The following GIP variants were observed in gnomAD, a reference collection of about 807,000 sequenced individuals.
GIP encodes the protein glucose-dependent insulinotropic polypeptide.
Under a neutral mutation model 18.1 loss-of-function variants are expected in GIP, and 16 were observed. That is an observed-to-expected ratio of 0.88 (90% confidence interval 0.60 to 1.34). The LOEUF (loss-of-function observed/expected upper bound fraction) is 1.34, where lower values mean the gene tolerates loss of function less well. Ranked by LOEUF, GIP falls within the 40% of genes most tolerant of loss-of-function variation. The pLI, the probability that GIP is intolerant of heterozygous loss-of-function variation, is 0.00. For missense variants in GIP, 192 were observed against 183.4 expected, an observed-to-expected ratio of 1.05 and a Z score of -0.27; for synonymous variants, 76 against 74.0, an observed-to-expected ratio of 1.03 and a Z score of -0.14.
At chr17:48,958,738 G>A in intron 5 of GIP, 22 bp from the exon 6 acceptor site, 2 of 1,572,812 alleles carry the variant, frequency 1.3e-6, no homozygotes, top group Non-Finnish European at 1.7e-6. Context: ...GGGGAAAGGA[G>A]AAGAAGGTTG....
chr17:48,963,531 G>A (rs576727982), intron 3 of GIP, among the ~76,000 whole-genome samples: 232 of 150,296 alleles, frequency 1.5e-3, no homozygotes, highest in Middle Eastern at 0.011. Flanking sequence ...ATGGTGGCGC[G>A]TACCTGTAGT....
At chr17:48,958,855 A>AAT in intron 5 of GIP, 139 bp from the exon 6 acceptor site, 1 of 536,954 alleles carries the variant, frequency 1.9e-6, no homozygotes, top group Non-Finnish European at 3.2e-6. Context: ...TTATCAATTT[A>AAT]CTTTTTTTTT....
rs533829794 is a variant in GIP, at chr17:48,967,073, C to G, written c.86+74G>C. On this transcript the variant is annotated intron_variant, in intron 2 of 5. Transcript: ENST00000357424. ...GGATTCCTTCCCTTTCTCATCTCCC[C>G]CTAGAAACAAATCCAGAACCTGTCA... 7 of 1,137,106 alleles carry G rather than the reference C, an allele frequency of 6.2e-6. No homozygotes were observed. In the East Asian group the frequency reaches 1.2e-4, roughly 19 times the overall value. The allele number at this position is 1,137,106 out of a possible 1,614,324, so 70.4% of individuals were successfully genotyped here. A position where few individuals can be genotyped will look rare whatever the true frequency, so the allele number is the denominator to read the frequency against.
Position 48,961,819 on chromosome 17 carries a change from G to A in GIP, c.258C>T (p.Asp86=), listed in dbSNP as rs1567796546. ...CCCTCTGGGTGATGTTGTGTTTCCA[G>A]CTGGGAAGATAAAGATTAGAGAGTG... ...WLLAQKGKKN[D]WKHNITQREA... is the part of the protein sequence containing the mutation. The change falls in exon 4 of 6, where the codon GAC becomes GAT. Residue 86 remains aspartate, a splice_region_variant and synonymous_variant. Coordinates refer to ENST00000357424, the MANE Select transcript of GIP (RefSeq NM_004123.3). 7 of 1,609,806 alleles carry A rather than the reference G, an allele frequency of 4.3e-6. No individual in the cohort carries two copies. The highest frequency in any genetic ancestry group is 5.9e-6 in the Non-Finnish European group (7 of 1,177,580).
chr17:48,961,764 C>G lies in GIP; in HGVS notation c.313G>C (p.Ala105Pro). 1 of 1,612,832 alleles carries G rather than the reference C, an allele frequency of 6.2e-7. No individual in the cohort carries two copies. The highest frequency in any genetic ancestry group is 1.3e-5 in the African/African-American group (1 of 75,028). ...EARALELASQ[A>P]NRKEEEAVEP... is the part of the protein sequence containing the mutation. ...ACTGCCTCCTCCTCCTTCCTATTAG[C>G]TTGACTGGCCAGCTCCAGCGCCCGA... The change falls in exon 4 of 6, where the codon GCT becomes CCT. Residue 105 changes from alanine (A) to proline (P), a missense_variant. Physicochemically the swap from Ala to Pro is conservative, Grantham distance 27. Coordinates refer to ENST00000357424, the MANE Select transcript of GIP (RefSeq NM_004123.3).
In GIP at chr17:48,967,258, G is replaced by A. The variant is rs1413485004; in HGVS notation, c.-21-5C>T. On this transcript the variant is annotated splice_region_variant and splice_polypyrimidine_tract_variant and intron_variant, in intron 1 of 5. Coordinates refer to ENST00000357424, the MANE Select transcript of GIP (RefSeq NM_004123.3). ...CTTCCAAGGTTATTTCCTGAGCTAA[G>A]ACAGAAAAAAGCCAGGACATGTTGA... The A allele has an allele frequency of 3.1e-6, 5 of 1,601,944 alleles. 1 individual carries two copies. Among genetic ancestry groups the A allele is most frequent in the Middle Eastern group, 1.7e-4 (1 of 6,038 alleles).
At chr17:48,965,001 T>C (rs897837613) in intron 2 of GIP, among the ~76,000 whole-genome samples, 30 of 150,734 alleles carry the variant, frequency 2.0e-4, no homozygotes, top group African/African-American at 7.1e-4. Flanking sequence ...TAGCCAGGCA[T>C]GGTGGTGGGC....
chr17:48,961,623 T>C (rs2041200697), intron 4 of GIP, 104 bp downstream of exon 4: 2 of 698,814 alleles, frequency 2.9e-6, no homozygotes, highest in Non-Finnish European at 5.0e-6. Flanking sequence ...AGAGGATGCT[T>C]ATCTCAGGTC....
In GIP at chr17:48,967,262, G is replaced by A; in HGVS notation, c.-21-9C>T. The A allele has an allele frequency of 6.3e-7, 1 of 1,592,858 alleles. No individual in the cohort carries two copies. The highest frequency in any genetic ancestry group is 8.6e-7 in the Non-Finnish European group (1 of 1,161,336). On this transcript the variant is annotated splice_polypyrimidine_tract_variant and intron_variant, in intron 1 of 5. Transcript: ENST00000357424. ...CAAGGTTATTTCCTGAGCTAAGACA[G>A]AAAAAAGCCAGGACATGTTGAGAGA...
At chr17:48,967,611 G>A (rs1427495372) in intron 1 of GIP, among the ~76,000 whole-genome samples, 1 of 151,464 alleles carries the variant, frequency 6.6e-6, no homozygotes, top group East Asian at 2.0e-4. Flanking sequence ...GCCCACCTGG[G>A]CCTCCCAAAG....
In GIP at chr17:48,958,859, T is replaced by TTC; in HGVS notation, c.453-144_453-143insGA. On this transcript the variant is annotated intron_variant, in intron 5 of 5. Transcript: ENST00000357424. ...TATTTTAATTTTTATCAATTTACTT[T>TTC]TTTTTTTTTTTTTGAGACGGAGTCT... 12 of 470,846 alleles carry TTC rather than the reference T, an allele frequency of 2.5e-5. No homozygotes were observed. The East Asian group carries it at 4.8e-4, about 19-fold the overall frequency. The allele number at this position is 470,846 out of a possible 1,614,324, so 29.2% of individuals were successfully genotyped here.
intron 2 of GIP, 78 bp downstream of exon 2, chr17:48,967,069 T>A: frequency 9.4e-7 from 1 of 1,065,960 alleles, no homozygotes; most frequent in Non-Finnish European, 1.4e-6. Flanking sequence ...CTTTCTCATC[T>A]CCCCCTAGAA....
intron 2 of GIP, among the ~76,000 whole-genome samples, chr17:48,965,007 T>C (rs1049194972): frequency 5.1e-4 from 76 of 150,476 alleles, no homozygotes; most frequent in Middle Eastern, 3.4e-3. Flanking sequence ...GGCATGGTGG[T>C]GGGCGCCTGT....
chr17:48,967,434 A>C (rs1285269324), intron 1 of GIP, among the ~76,000 whole-genome samples, 181 bp from the exon 2 acceptor site: 1 of 145,002 alleles, frequency 6.9e-6, no homozygotes, highest in African/African-American at 2.6e-5. Flanking sequence ...ATCTTGGCTC[A>C]CTGCAACCTC....
intron 2 of GIP, among the ~76,000 whole-genome samples, chr17:48,966,387 C>A (rs887915862): frequency 2.6e-5 from 4 of 151,568 alleles, no homozygotes; most frequent in African/African-American, 9.7e-5. Flanking sequence ...GAAACCCCAT[C>A]TCTACTAAAA....
chr17:48,965,386 C>G (rs1255730032), intron 2 of GIP, among the ~76,000 whole-genome samples: 1 of 148,948 alleles, frequency 6.7e-6, no homozygotes, highest in Non-Finnish European at 1.5e-5. Context: ...GGGTGGATCA[C>G]AAAGTCAGGA....
chr17:48,968,136 G>A (rs1348741081), intron 1 of GIP, among the ~76,000 whole-genome samples: 1 of 151,868 alleles, frequency 6.6e-6, no homozygotes, highest in Non-Finnish European at 1.5e-5. Context: ...TCTGTCACCC[G>A]GGTTGGAGTG....
intron 5 of GIP, among the ~76,000 whole-genome samples, chr17:48,959,290 C>T (rs968694750): frequency 1.3e-5 from 2 of 152,174 alleles, no homozygotes; most frequent in African/African-American, 4.8e-5. Context: ...TTTGCCTCAT[C>T]AAATCACCAT....
At chr17:48,958,862 T>A (rs1356492234) in intron 5 of GIP, 146 bp from the exon 6 acceptor site, 11 of 585,600 alleles carry the variant, frequency 1.9e-5, no homozygotes, top group Non-Finnish European at 3.2e-5. Context: ...TTTACTTTTT[T>A]TTTTTTTTTT....
Sources: allele counts gnomAD v4.1 joint callset (sites outside exome capture counted in the v4.1 genomes callset), GRCh38; gene constraint gnomAD v4.1.1; transcripts MANE v1.5; gene names NCBI Gene and HGNC (gene_info 2026-07-23, HGNC 2026-07-21).